Variants in DLG2 observed in about 807,000 individuals in gnomAD.
DLG2 encodes discs large MAGUK scaffold protein 2.
A neutral mutation model predicts 132.5 loss-of-function variants in DLG2; 45 were observed. The observed-to-expected ratio is 0.34, with a 90% CI of 0.27 to 0.44. DLG2 has a LOEUF of 0.44. DLG2 is among the 20% of genes least tolerant of loss of function. The pLI is 1.00. For missense variants in DLG2, 1,045 were observed against 1,196.9 expected (o/e 0.87, Z 1.87); for synonymous variants, 424 against 419.6 (o/e 1.01, Z -0.13).
intron 7 of DLG2, among the ~76,000 whole-genome samples, chr11:84,512,779 C>T (rs927130817): frequency 5.3e-5 from 8 of 151,760 alleles, no homozygotes; most frequent in South Asian, 2.1e-4. Context: ...AAATGTGGCA[C>T]GTATACACCA....
chr11:85,377,869 A>G (rs1466730411), intron 3 of DLG2, among the ~76,000 whole-genome samples: 1 of 150,406 alleles, frequency 6.6e-6, no homozygotes, highest in Non-Finnish European at 1.5e-5. Flanking sequence ...GTATACATAT[A>G]TATACACACA....
intron 21 of DLG2, among the ~76,000 whole-genome samples, chr11:83,489,932 T>C (rs1199248253): frequency 6.8e-6 from 1 of 147,922 alleles, no homozygotes. Flanking sequence ...ACTCTTAAGA[T>C]GGTGACCAGT....
chr11:85,139,372 A>G (rs2076319004), intron 5 of DLG2, among the ~76,000 whole-genome samples: 1 of 152,130 alleles, frequency 6.6e-6, no homozygotes, highest in South Asian at 2.1e-4. Flanking sequence ...TCAGCAGTCC[A>G]ACATGAAATT....
intron 6 of DLG2, among the ~76,000 whole-genome samples, chr11:84,770,373 C>T (rs1304634944): frequency 2.6e-5 from 4 of 152,098 alleles, no homozygotes; most frequent in African/African-American, 9.7e-5. Context: ...AAACTCATGT[C>T]ATATGGGTTT....
chr11:84,992,300 G>A (rs2057205735), intron 6 of DLG2, among the ~76,000 whole-genome samples: 1 of 152,114 alleles, frequency 6.6e-6, no homozygotes, highest in Non-Finnish European at 1.5e-5. Flanking sequence ...ATTTATGTTT[G>A]TCTCCTCCAT....
intron 11 of DLG2, among the ~76,000 whole-genome samples, chr11:84,052,140 C>A (rs10898194): frequency 1.3e-5 from 2 of 151,674 alleles, no homozygotes; most frequent in African/African-American, 4.8e-5. Context: ...AGAAAAATCC[C>A]AAACATATAT....
chr11:84,498,772 T>C (rs1195855611), intron 7 of DLG2, among the ~76,000 whole-genome samples: 1 of 152,166 alleles, frequency 6.6e-6, no homozygotes, highest in Non-Finnish European at 1.5e-5. Context: ...TCTTTCTTAA[T>C]CCCCACATGT....
At chr11:84,853,623 A>C (rs555371080) in intron 6 of DLG2, among the ~76,000 whole-genome samples, 2 of 152,026 alleles carry the variant, frequency 1.3e-5, no homozygotes, top group Non-Finnish European at 2.9e-5. Flanking sequence ...GAATTGGAGA[A>C]AATCAGTCCA....
chr11:83,860,889 T>C (rs904686962), intron 16 of DLG2, among the ~76,000 whole-genome samples: 1 of 152,188 alleles, frequency 6.6e-6, no homozygotes, highest in African/African-American at 2.4e-5. Flanking sequence ...TGAGATCTGA[T>C]GGTTTTAAAA....
intron 6 of DLG2, among the ~76,000 whole-genome samples, chr11:84,674,596 T>G (rs903264820): frequency 6.6e-6 from 1 of 152,132 alleles, no homozygotes; most frequent in Non-Finnish European, 1.5e-5. Flanking sequence ...TCAATCATCA[T>G]GGCCTCTATT....
chr11:84,223,353 A>T (rs1392690483), intron 8 of DLG2, among the ~76,000 whole-genome samples: 1 of 151,966 alleles, frequency 6.6e-6, no homozygotes, highest in Admixed American at 6.6e-5. Context: ...TATATTTTCT[A>T]AAAAAAATTA....
At chr11:84,872,444 G>T (rs2085618331) in intron 6 of DLG2, among the ~76,000 whole-genome samples, 1 of 152,192 alleles carries the variant, frequency 6.6e-6, no homozygotes, top group Non-Finnish European at 1.5e-5. Flanking sequence ...TGCCCTTGAG[G>T]ATCTTAAGGG....
intron 7 of DLG2, among the ~76,000 whole-genome samples, chr11:84,423,485 T>C (rs2098957128): frequency 1.3e-5 from 2 of 152,288 alleles, no homozygotes; most frequent in South Asian, 2.1e-4. Context: ...CACAGACTTA[T>C]GAAGTATTTA....
Position 85,618,662 on chromosome 11 carries a change from A to C in DLG2, c.-93+7925T>G, listed in dbSNP as rs570302054. Among the ~76,000 whole-genome samples, 2 of 152,350 alleles carry C rather than the reference A, an allele frequency of 1.3e-5. 1 individual carries two copies. Among genetic ancestry groups the C allele is most frequent in the East Asian group, 3.9e-4 (2 of 5,192 alleles). ...CTATTGAGTACTATGCTCAATACCT[A>C]GGTGACAGAATCATTCATATCCAAA... On this transcript the variant is annotated intron_variant, in intron 2 of 27. Coordinates refer to ENST00000376104, the MANE Select transcript of DLG2 (RefSeq NM_001142699.3).
intron 2 of DLG2, 100 bp downstream of exon 2, chr11:85,626,487 A>G (rs2082037649): frequency 6.6e-6 from 1 of 152,234 alleles, no homozygotes; most frequent in African/African-American, 2.4e-5. Context: ...ATTACAATAA[A>G]TATTTCCCCC....
At chr11:85,030,602 G>A (rs1382357790) in intron 6 of DLG2, among the ~76,000 whole-genome samples, 1 of 152,114 alleles carries the variant, frequency 6.6e-6, no homozygotes, top group African/African-American at 2.4e-5. Flanking sequence ...ATCATAGGAA[G>A]AAAGTTCCCT....
At chr11:84,803,797 T>G (rs1263280400) in intron 6 of DLG2, among the ~76,000 whole-genome samples, 1 of 152,206 alleles carries the variant, frequency 6.6e-6, no homozygotes, top group Non-Finnish European at 1.5e-5. Flanking sequence ...CTGCCACATC[T>G]TAAGTTTTTA....
intron 7 of DLG2, among the ~76,000 whole-genome samples, chr11:84,392,848 A>G (rs2098797359): frequency 6.6e-6 from 1 of 152,182 alleles, no homozygotes; most frequent in African/African-American, 2.4e-5. Flanking sequence ...GTTTGGGTTC[A>G]GGAGCCATGT....
At chr11:85,459,420 T>C (rs924633159) in intron 3 of DLG2, among the ~76,000 whole-genome samples, 3 of 152,108 alleles carry the variant, frequency 2.0e-5, no homozygotes, top group Admixed American at 2.0e-4. Flanking sequence ...AGGCTCTTGG[T>C]TTCTTCCCCA....
Sources: allele counts gnomAD v4.1 joint callset (sites outside exome capture counted in the v4.1 genomes callset), GRCh38; gene constraint gnomAD v4.1.1; transcripts MANE v1.5; gene names NCBI Gene and HGNC (gene_info 2026-07-23, HGNC 2026-07-21).